Variants in TFPI observed in about 807,000 individuals in gnomAD.
TFPI encodes the protein anti-convertin.
A neutral mutation model predicts 34.6 loss-of-function variants in TFPI; 15 were observed. That is an observed-to-expected ratio of 0.43 (90% CI 0.29 to 0.67). The LOEUF is 0.67. TFPI is among the 30% of genes least tolerant of loss of function. The probability of loss-of-function intolerance (pLI) is 0.15; values close to 1 mark genes in which losing one functional copy is unlikely to be tolerated. For missense variants in TFPI, 301 were observed against 364.0 expected (o/e 0.83, Z 1.41); for synonymous variants, 105 against 120.1 (o/e 0.87, Z 0.82).
chr2:187,537,431 G>A (rs1264365478), intron 1 of TFPI, among the ~76,000 whole-genome samples: 5 of 152,034 alleles, frequency 3.3e-5, no homozygotes, highest in Admixed American at 6.6e-5. Flanking sequence ...CAGAGATAAC[G>A]CCACACATCT....
chr2:187,478,982 A>G (rs939802785), intron 6 of TFPI, among the ~76,000 whole-genome samples: 1 of 152,052 alleles, frequency 6.6e-6, no homozygotes, highest in African/African-American at 2.4e-5. Flanking sequence ...TAGTACAAGT[A>G]TTGAAGGAAT....
At chr2:187,531,926 A>G (rs541779440) in intron 1 of TFPI, among the ~76,000 whole-genome samples, 1 of 151,478 alleles carries the variant, frequency 6.6e-6, no homozygotes, top group Non-Finnish European at 1.5e-5. Context: ...TTTATTTAAA[A>G]TTTTTTTTTC....
chr2:187,551,628 A>G (rs1342294696), intron 1 of TFPI, among the ~76,000 whole-genome samples: 1 of 152,102 alleles, frequency 6.6e-6, no homozygotes, highest in Non-Finnish European at 1.5e-5. Flanking sequence ...GAAAGCCAGG[A>G]AAGATGGTCT....
intron 1 of TFPI, among the ~76,000 whole-genome samples, chr2:187,508,333 T>G (rs1016957392): frequency 4.6e-5 from 7 of 152,210 alleles, no homozygotes; most frequent in African/African-American, 1.7e-4. Flanking sequence ...AGTAGTTTGT[T>G]TTTTCTAATT....
chr2:187,487,246 A>G (rs1693336711), intron 4 of TFPI, among the ~76,000 whole-genome samples: 1 of 151,494 alleles, frequency 6.6e-6, no homozygotes, highest in Non-Finnish European at 1.5e-5. Context: ...TTTTGATATT[A>G]CAGATAAGGC....
chr2:187,522,529 A>G (rs1316206397), intron 1 of TFPI, among the ~76,000 whole-genome samples: 3 of 151,916 alleles, frequency 2.0e-5, no homozygotes, highest in Admixed American at 6.6e-5. Context: ...TTGTGTTTCA[A>G]AATTTCTTAA....
chr2:187,496,909 C>G lies in TFPI; in HGVS notation c.291G>C (p.Leu97=), dbSNP rs767748032. 1 of 1,613,040 alleles carries G rather than the reference C, an allele frequency of 6.2e-7. No individual in the cohort carries two copies. Residue 97 remains leucine, a synonymous_variant, in exon 3 of 8, where the codon CTG becomes CTC. Transcript: ENST00000233156. The stretch of plus-strand genomic sequence containing the variant: ...TTGTACACATTTTTTTGCACTCTTC[C>G]AGACTTTCAAATCGATTCTGATTTC... ...CEGNQNRFES[L]EECKKMCTRD... is the part of the protein sequence containing the mutation.
intron 1 of TFPI, among the ~76,000 whole-genome samples, chr2:187,504,734 A>C (rs1310635077): frequency 6.6e-6 from 1 of 152,124 alleles, no homozygotes; most frequent in Non-Finnish European, 1.5e-5. Context: ...GTGCCCTTCC[A>C]GTCAGGAAGG....
chr2:187,503,651 T>G lies in TFPI; in HGVS notation c.118A>C (p.Thr40Pro). ...ATAATTGCTTCTAATATTTTACCTG[T>G]GATAATTGTGTGTTCTTCATCTTCC... ...SEEDEEHTII[T>P]DTELPPLKLM... Residue 40 changes from threonine to proline, a missense_variant, in exon 2 of 8, where the codon ACA (threonine) becomes CCA (proline). Transcript: ENST00000233156. 1 of 1,612,290 alleles carries G rather than the reference T, an allele frequency of 6.2e-7. No individual in the cohort carries two copies. The highest frequency in any genetic ancestry group is 8.5e-7 in the Non-Finnish European group (1 of 1,178,918).
intron 6 of TFPI, among the ~76,000 whole-genome samples, chr2:187,470,407 T>G: frequency 6.6e-6 from 1 of 152,138 alleles, no homozygotes; most frequent in East Asian, 1.9e-4. Context: ...AAATCAAGGT[T>G]ATTTCAAAAT....
At position 187,540,838 on chromosome 2, in the gene TFPI, C is replaced by T. The variant is rs200206749; in HGVS notation, c.-3+13362G>A. Among the ~76,000 whole-genome samples, 14 of 141,708 alleles carry T rather than the reference C, an allele frequency of 9.9e-5. No homozygotes were observed. The East Asian group carries it at 2.3e-3, about 23-fold the overall frequency. 93.0% of individuals were successfully genotyped at this position (141,708 alleles called of 152,430 possible). On this transcript the variant is annotated intron_variant, in intron 1 of 7. Transcript: ENST00000233156. ...CCCAGGAGGTGGAGGTTGTAGTGAG[C>T]TGAGATTGTGTCACTGCACTCCAGC...
At chr2:187,553,458 C>A (rs896883374) in intron 1 of TFPI, among the ~76,000 whole-genome samples, 2 of 151,666 alleles carry the variant, frequency 1.3e-5, no homozygotes, top group Non-Finnish European at 1.5e-5. Context: ...ATAATTGTTT[C>A]TCTCATTATA....
chr2:187,485,964 C>T (rs755332825), intron 4 of TFPI, among the ~76,000 whole-genome samples: 28 of 151,488 alleles, frequency 1.8e-4, no homozygotes, highest in Admixed American at 1.3e-4. Context: ...AAGTATTTTA[C>T]AATAAAAAAG....
chr2:187,530,127 C>T lies in TFPI; in HGVS notation c.-3+24073G>A, dbSNP rs1274108649. ...CTTGGCAGGGAAAACAGATCCTCACCTTCGAATTCCTTCTCTACCCTTATT... is the reference window on the plus strand; with the variant it reads ...CTTGGCAGGGAAAACAGATCCTCACTTTCGAATTCCTTCTCTACCCTTATT... On this transcript the variant is annotated intron_variant, in intron 1 of 7. Transcript: ENST00000233156. 2.0e-5 allele frequency among the ~76,000 whole-genome samples: 3 copies of T among 152,250 alleles called. No individual in the cohort carries two copies. In the East Asian group the frequency reaches 5.8e-4, roughly 29 times the overall value.
At position 187,482,389 on chromosome 2, in the gene TFPI, G is replaced by T. The variant is rs1574391541; in HGVS notation, c.628+1735C>A. Among the ~76,000 whole-genome samples, 4 of 152,022 alleles carry T rather than the reference G, an allele frequency of 2.6e-5. No homozygotes were observed. The South Asian group carries it at 6.2e-4, about 24-fold the overall frequency. On this transcript the variant is annotated intron_variant, in intron 6 of 7. Coordinates refer to ENST00000233156, the MANE Select transcript of TFPI (RefSeq NM_006287.6). ...AATACGAGTGAAAAATACAAAGCTGGAAAGACATAAAGAAATAATGCAACG... is the reference window on the plus strand; with the variant it reads ...AATACGAGTGAAAAATACAAAGCTGTAAAGACATAAAGAAATAATGCAACG...
intron 2 of TFPI, among the ~76,000 whole-genome samples, chr2:187,499,169 T>C (rs1419606462): frequency 6.6e-6 from 1 of 151,840 alleles, no homozygotes. Flanking sequence ...GATGAACATA[T>C]CTAAAATACG....
chr2:187,548,631 A>G (rs1307106000), intron 1 of TFPI, among the ~76,000 whole-genome samples: 1 of 152,096 alleles, frequency 6.6e-6, no homozygotes, highest in African/African-American at 2.4e-5. Context: ...GTATTAGATG[A>G]TAATATCGAA....
Position 187,467,911 on chromosome 2 carries a change from C to T in TFPI, c.650G>A (p.Cys217Tyr). The T allele has an allele frequency of 1.3e-6, 2 of 1,591,750 alleles. No homozygotes were observed. Among genetic ancestry groups the T allele is most frequent in the Non-Finnish European group, 1.7e-6 (2 of 1,170,918 alleles). ...SLFEFHGPSW[C>Y]LTPADRGLCR... ...CAATCCTCTGTCTGCTGGAGTGAGA[C>T]ACCATGAGGGACCGTGAAATTCTAA... The change falls in exon 7 of 8, where the codon TGT becomes TAT. Residue 217 changes from cysteine to tyrosine, a missense_variant. By Grantham distance (194) the Cys-to-Tyr change is radical (BLOSUM62 -2). Coordinates refer to ENST00000233156, the MANE Select transcript of TFPI (RefSeq NM_006287.6).
rs141176024 is a variant in TFPI, at chr2:187,522,666, G to A, written c.-2-18896C>T. Among the ~76,000 whole-genome samples, 1,006 of 148,386 alleles carry A rather than the reference G, an allele frequency of 6.8e-3. 6 individuals are homozygous for A. Among genetic ancestry groups the A allele is most frequent in the Middle Eastern group, 0.01 (3 of 292 alleles). On this transcript the variant is annotated intron_variant, in intron 1 of 7. Transcript: ENST00000233156. ...TGGGAGGCGGAGGTGGGTGGATCAC[G>A]AGGTCAGGAGATCAAGACCATCCTG...
Sources: allele counts gnomAD v4.1 joint callset (sites outside exome capture counted in the v4.1 genomes callset), GRCh38; gene constraint gnomAD v4.1.1; transcripts MANE v1.5; gene names NCBI Gene and HGNC (gene_info 2026-07-23, HGNC 2026-07-21).